The following QTMAN variants were observed in gnomAD, a reference collection of about 807,000 sequenced individuals.
The protein encoded by QTMAN is queuosine-tRNA mannosyltransferase, also known as tRNA-queuosine alpha-mannosyltransferase.
chr2:144,280,142 T>C, the QTMAN span, among the ~76,000 whole-genome samples: 1 of 152,128 alleles, frequency 6.6e-6, no homozygotes, highest in Non-Finnish European at 1.5e-5. Flanking sequence ...ATAAAAAGTA[T>C]TCAGTGTATT....
chr2:144,111,875 A>G, the QTMAN span, among the ~76,000 whole-genome samples: 9 of 152,356 alleles, frequency 5.9e-5, no homozygotes, highest in African/African-American at 1.2e-4. Context: ...TTTCAAAATG[A>G]TAAGTACCAA....
chr2:144,056,797 T>G, the QTMAN span, among the ~76,000 whole-genome samples: 1 of 152,248 alleles, frequency 6.6e-6, no homozygotes, highest in Non-Finnish European at 1.5e-5. Flanking sequence ...TCCGTGAACC[T>G]GGCTTTGAGA....
chr2:143,980,174 C>T, the QTMAN span, among the ~76,000 whole-genome samples: 6 of 152,080 alleles, frequency 3.9e-5, no homozygotes, highest in African/African-American at 9.7e-5. Flanking sequence ...CTACCTGATG[C>T]TCTCCCTCCT....
At chr2:144,249,255 ACT>A in the QTMAN span, among the ~76,000 whole-genome samples, 1 of 152,100 alleles carries the variant, frequency 6.6e-6, no homozygotes, top group African/African-American at 2.4e-5. Context: ...CAAAGGATTA[ACT>A]CTTTTCTGTA....
the QTMAN span, among the ~76,000 whole-genome samples, chr2:144,197,379 A>C: frequency 6.6e-6 from 1 of 151,996 alleles, no homozygotes; most frequent in Non-Finnish European, 1.5e-5. Flanking sequence ...AATTGTATTT[A>C]AGTGGAAGAA....
chr2:144,155,903 GA>G, the QTMAN span, among the ~76,000 whole-genome samples: 323 of 139,378 alleles, frequency 2.3e-3, 2 homozygotes, highest in African/African-American at 6.0e-3. Context: ...TGACAACCAT[GA>G]AAAAAAAAAA....
the QTMAN span, among the ~76,000 whole-genome samples, chr2:144,283,522 A>G: frequency 6.6e-6 from 1 of 152,150 alleles, no homozygotes; most frequent in African/African-American, 2.4e-5. Context: ...TGAATTTAAA[A>G]CACTTGAAAA....
the QTMAN span, among the ~76,000 whole-genome samples, chr2:144,216,897 A>G: frequency 2.6e-5 from 4 of 152,200 alleles, no homozygotes; most frequent in South Asian, 2.1e-4. Context: ...TAAGAAGCCA[A>G]TTCCCTCACC....
chr2:144,192,445 T>C, the QTMAN span, among the ~76,000 whole-genome samples: 3 of 152,116 alleles, frequency 2.0e-5, no homozygotes, highest in African/African-American at 4.8e-5. Context: ...AAGAGTTAAA[T>C]AGACTGTCAA....
the QTMAN span, among the ~76,000 whole-genome samples, chr2:144,053,496 A>G: frequency 6.6e-5 from 10 of 152,218 alleles, 1 homozygote; most frequent in Non-Finnish European, 1.5e-5. Context: ...TGACAATAAT[A>G]AGCATGTTTT....
At chr2:144,011,814 G>T in the QTMAN span, 1 of 864,476 alleles carries the variant, frequency 1.2e-6, no homozygotes, top group Non-Finnish European at 1.4e-6. Context: ...TGGTGGAGGT[G>T]CTAATGAGAA....
the QTMAN span, among the ~76,000 whole-genome samples, chr2:144,252,520 A>C: frequency 6.6e-6 from 1 of 152,264 alleles, no homozygotes; most frequent in African/African-American, 2.4e-5. Flanking sequence ...TCACAAAATG[A>C]AACACTGAGA....
At chr2:144,012,989 T>C in the QTMAN span, among the ~76,000 whole-genome samples, 1 of 152,022 alleles carries the variant, frequency 6.6e-6, no homozygotes, top group Non-Finnish European at 1.5e-5. Context: ...GGAGGAGTAG[T>C]AGAGCCACAG....
the QTMAN span, among the ~76,000 whole-genome samples, chr2:144,100,013 T>A: frequency 2.6e-5 from 4 of 152,190 alleles, no homozygotes; most frequent in African/African-American, 9.6e-5. Context: ...ACGTCGTGTG[T>A]AGAGAGCAAG....
At chr2:143,987,370 C>T in the QTMAN span, among the ~76,000 whole-genome samples, 1 of 152,200 alleles carries the variant, frequency 6.6e-6, no homozygotes, top group Non-Finnish European at 1.5e-5. Flanking sequence ...GGTTCACATT[C>T]AGATTAAATC....
At chr2:144,200,969 A>G in the QTMAN span, among the ~76,000 whole-genome samples, 5 of 152,114 alleles carry the variant, frequency 3.3e-5, no homozygotes, top group Non-Finnish European at 7.3e-5. Flanking sequence ...AACTCTAATA[A>G]CTCATTCCTT....
the QTMAN span, among the ~76,000 whole-genome samples, chr2:144,318,635 C>T: frequency 6.6e-6 from 1 of 152,160 alleles, no homozygotes; most frequent in African/African-American, 2.4e-5. Context: ...ATGTTAGTTG[C>T]ACTGCACTCT....
the QTMAN span, among the ~76,000 whole-genome samples, chr2:144,299,050 G>A: frequency 3.3e-5 from 5 of 152,174 alleles, no homozygotes; most frequent in African/African-American, 1.2e-4. Context: ...TTTCCCTGTT[G>A]ACAGAGAAGA....
chr2:144,298,185 A>AT, the QTMAN span, among the ~76,000 whole-genome samples: 2 of 151,284 alleles, frequency 1.3e-5, no homozygotes, highest in Non-Finnish European at 2.9e-5. Context: ...CACCCAGCTA[A>AT]TTTTTTGTAT....
Sources: gnomAD v4.1 joint callset for allele counts (sites outside exome capture counted in the v4.1 genomes callset) on GRCh38, gnomAD v4.1.1 for gene constraint, MANE v1.5 for transcripts, NCBI Gene and HGNC (gene_info 2026-07-23, HGNC 2026-07-21) for gene names.